The following EDA variants were observed in gnomAD, a reference collection of about 807,000 sequenced individuals.
The protein encoded by EDA is ectodysplasin A, also known as ectodysplasin-A.
Under a neutral mutation model 23.6 loss-of-function variants are expected in EDA, and 2 were observed. The observed-to-expected ratio is 0.08, with a 90% CI of 0.03 to 0.27. EDA has a LOEUF of 0.27. Among genes scored for constraint, EDA ranks in the 10% least tolerant of loss-of-function variants. The probability of loss-of-function intolerance (pLI) is 1.00; values close to 1 mark genes in which losing one functional copy is unlikely to be tolerated. For missense variants in EDA, 229 were observed against 324.2 expected (o/e 0.71, Z 2.26); for synonymous variants, 131 against 132.0 (o/e 0.99, Z 0.05).
chrX:69,678,472 T>A (rs1934194748), intron 1 of EDA, among the ~76,000 whole-genome samples: 1 of 111,875 alleles, frequency 8.9e-6, no homozygotes, highest in African/African-American at 3.3e-5. Context: ...TGTTCTTCCA[T>A]TTGTTTGTAT....
intron 1 of EDA, among the ~76,000 whole-genome samples, chrX:69,625,930 T>C (rs182573683): frequency 4.6e-4 from 51 of 110,444 alleles, no homozygotes; most frequent in African/African-American, 1.6e-3. Flanking sequence ...AAATAACTTA[T>C]ATTCAAAGGA....
intron 1 of EDA, among the ~76,000 whole-genome samples, chrX:69,844,257 T>C (rs1359482633): frequency 1.8e-5 from 2 of 112,181 alleles, no homozygotes; most frequent in Non-Finnish European, 3.8e-5. Context: ...AATCATCTCA[T>C]AGCCTTTGAA....
At chrX:69,894,875 C>G (rs2017987810) in intron 1 of EDA, among the ~76,000 whole-genome samples, 1 of 111,598 alleles carries the variant, frequency 9.0e-6, no homozygotes, top group Non-Finnish European at 1.9e-5. Flanking sequence ...GACTTCCTCT[C>G]TTCCTATTTG....
chrX:69,723,961 G>T (rs751901460), intron 1 of EDA, among the ~76,000 whole-genome samples: 1 of 111,777 alleles, frequency 8.9e-6, no homozygotes, highest in African/African-American at 3.2e-5. Context: ...ACCTTTGAGT[G>T]TTCTAGATTG....
chrX:69,902,758 T>A (rs1040196778), intron 1 of EDA, among the ~76,000 whole-genome samples: 1 of 111,609 alleles, frequency 9.0e-6, no homozygotes, highest in Non-Finnish European at 1.9e-5. Context: ...CCCAGTAAGT[T>A]CCCATTGCAG....
At chrX:69,850,070 A>G (rs2017094547) in intron 1 of EDA, among the ~76,000 whole-genome samples, 1 of 112,450 alleles carries the variant, frequency 8.9e-6, no homozygotes, top group African/African-American at 3.2e-5. Flanking sequence ...CCTGACCTGC[A>G]TACTGATCCA....
chrX:69,677,671 G>A (rs1934153306), intron 1 of EDA, among the ~76,000 whole-genome samples: 2 of 111,231 alleles, frequency 1.8e-5, no homozygotes, highest in African/African-American at 6.6e-5. Flanking sequence ...TTTTTGATGG[G>A]GTTGTTTTTT....
rs931168362 is a variant in EDA, at chrX:69,633,559, C to T, written c.396+16855C>T. On this transcript the variant is annotated intron_variant, in intron 1 of 7. Coordinates refer to ENST00000374552, the MANE Select transcript of EDA (RefSeq NM_001399.5). The stretch of plus-strand genomic sequence containing the variant: ...CTATCAACCACTAATCTACTTTCTG[C>T]CGCTATGGATTTACCTATGCTGGAC... 2.7e-5 allele frequency among the ~76,000 whole-genome samples: 3 copies of T among 111,973 alleles called. No homozygotes were observed. In the Admixed American group the frequency reaches 2.8e-4, roughly 11 times the overall value.
chrX:69,639,929 G>A (rs1026095051), intron 1 of EDA, among the ~76,000 whole-genome samples: 1 of 111,681 alleles, frequency 9.0e-6, no homozygotes, highest in Non-Finnish European at 1.9e-5. Flanking sequence ...GTTAATTTTT[G>A]TATATGGTAT....
chrX:69,677,672 G>A (rs1477699210), intron 1 of EDA, among the ~76,000 whole-genome samples: 1 of 109,308 alleles, frequency 9.1e-6, no homozygotes, highest in Admixed American at 9.7e-5. Flanking sequence ...TTTTGATGGG[G>A]TTGTTTTTTT....
At chrX:70,034,521 G>A (rs936886529) in intron 7 of EDA, among the ~76,000 whole-genome samples, 4 of 111,761 alleles carry the variant, frequency 3.6e-5, no homozygotes, top group African/African-American at 1.3e-4. Context: ...CAAGTTCCAC[G>A]TGGTGGGGGT....
At chrX:70,006,730 G>C (rs2019806881) in intron 2 of EDA, among the ~76,000 whole-genome samples, 1 of 111,390 alleles carries the variant, frequency 9.0e-6, no homozygotes, top group Non-Finnish European at 1.9e-5. Context: ...CTTGTCTCTT[G>C]ATTCACTTCA....
intron 1 of EDA, among the ~76,000 whole-genome samples, chrX:69,822,932 T>C (rs2016275699): frequency 1.0e-5 from 1 of 95,644 alleles, no homozygotes; most frequent in Admixed American, 1.2e-4. Context: ...CACCTATGAG[T>C]GAGAATATGC....
intron 6 of EDA, among the ~76,000 whole-genome samples, chrX:70,030,949 T>C (rs956236254): frequency 2.3e-4 from 26 of 112,864 alleles, no homozygotes; most frequent in Middle Eastern, 4.6e-3. Flanking sequence ...TGGGGCATGT[T>C]AGAATCTCCA....
intron 1 of EDA, among the ~76,000 whole-genome samples, chrX:69,624,283 T>C (rs748135914): frequency 8.9e-6 from 1 of 111,948 alleles, no homozygotes; most frequent in South Asian, 3.7e-4. Flanking sequence ...TTTTATAAGA[T>C]AGTGTTTGGT....
intron 2 of EDA, among the ~76,000 whole-genome samples, chrX:69,974,361 T>C (rs1037125671): frequency 9.0e-6 from 1 of 110,571 alleles, no homozygotes; most frequent in Non-Finnish European, 1.9e-5. Flanking sequence ...TAATGAAATA[T>C]GTAGAAGAAT....
intron 1 of EDA, among the ~76,000 whole-genome samples, chrX:69,784,082 A>G (rs1460247314): frequency 2.2e-4 from 23 of 103,196 alleles, no homozygotes; most frequent in Non-Finnish European, 3.8e-4. Context: ...GGCTGCATAA[A>G]TGTCTTCTTT....
At chrX:69,966,461 C>T (rs1030365461) in intron 2 of EDA, among the ~76,000 whole-genome samples, 10 of 109,406 alleles carry the variant, frequency 9.1e-5, no homozygotes, top group Non-Finnish European at 1.5e-4. Context: ...GGCCTGTAAC[C>T]CCAGCTACTA....
intron 1 of EDA, among the ~76,000 whole-genome samples, chrX:69,884,903 C>T (rs1051605267): frequency 1.8e-5 from 2 of 112,285 alleles, no homozygotes; most frequent in African/African-American, 6.5e-5. Flanking sequence ...AAACTGTCTT[C>T]CAAAGTGGCT....
Sources: gnomAD v4.1 joint callset for allele counts (sites outside exome capture counted in the v4.1 genomes callset) on GRCh38, gnomAD v4.1.1 for gene constraint, MANE v1.5 for transcripts, NCBI Gene and HGNC (gene_info 2026-07-23, HGNC 2026-07-21) for gene names.